MINDY2: variants seen among roughly 807,000 people sequenced by gnomAD.
MINDY2 encodes the protein ubiquitin carboxyl-terminal hydrolase MINDY-2.
A neutral mutation model predicts 68.2 loss-of-function variants in MINDY2; 52 were observed. That is an observed-to-expected ratio of 0.76 (90% CI 0.61 to 0.96). The LOEUF (loss-of-function observed/expected upper bound fraction) is 0.96, where lower values mean the gene tolerates loss of function less well. Ranked by LOEUF, MINDY2 falls within the 40% of genes least tolerant of loss-of-function variation. The pLI, the probability that MINDY2 is intolerant of heterozygous loss-of-function variation, is 0.00. For synonymous variants in MINDY2, 372 were observed against 303.0 expected (o/e 1.23, Z -2.36); for missense variants, 881 against 773.4 (o/e 1.14, Z -1.65).
intron 5 of MINDY2, among the ~76,000 whole-genome samples, chr15:58,829,327 C>G (rs191628124): frequency 6.6e-6 from 1 of 152,134 alleles, no homozygotes; most frequent in African/African-American, 2.4e-5. Context: ...AGATATAATT[C>G]AAGTGGCATT....
intron 6 of MINDY2, among the ~76,000 whole-genome samples, chr15:58,838,722 G>C (rs1451938358): frequency 1.3e-5 from 2 of 150,960 alleles, no homozygotes; most frequent in Admixed American, 6.6e-5. Context: ...AAGTAGTTGG[G>C]ATTACAGGCG....
At chr15:58,846,644 T>TA (rs1467800953) in intron 6 of MINDY2, among the ~76,000 whole-genome samples, 3 of 150,508 alleles carry the variant, frequency 2.0e-5, no homozygotes, top group Non-Finnish European at 4.4e-5. Context: ...TACATACACG[T>TA]ACTATGTATC....
At chr15:58,788,023 G>A in intron 2 of MINDY2, 60 bp downstream of exon 2, 1 of 1,163,916 alleles carries the variant, frequency 8.6e-7, no homozygotes, top group Non-Finnish European at 1.2e-6. Flanking sequence ...AAAGCTAGTT[G>A]ATTACCCAGT....
chr15:58,840,225 A>G (rs1318563213), intron 6 of MINDY2, among the ~76,000 whole-genome samples: 2 of 152,214 alleles, frequency 1.3e-5, no homozygotes, highest in Non-Finnish European at 2.9e-5. Flanking sequence ...TGTGAATAAT[A>G]TCTACCACAC....
chr15:58,848,886 G>A (rs2032674002), intron 7 of MINDY2, among the ~76,000 whole-genome samples: 1 of 152,064 alleles, frequency 6.6e-6, no homozygotes, highest in South Asian at 2.1e-4. Context: ...AGAGAAATAT[G>A]CGAGATTTTT....
intron 1 of MINDY2, among the ~76,000 whole-genome samples, chr15:58,778,433 A>T (rs1900911528): frequency 6.6e-6 from 1 of 151,628 alleles, no homozygotes; most frequent in Non-Finnish European, 1.5e-5. Flanking sequence ...GATTTTTTTT[A>T]TATAAAGTTG....
intron 3 of MINDY2, among the ~76,000 whole-genome samples, 184 bp from the exon 4 acceptor site, chr15:58,810,046 T>TGAGCCACCGCGCCCGGC: frequency 1.3e-5 from 2 of 152,322 alleles, no homozygotes; most frequent in Middle Eastern, 3.4e-3. Flanking sequence ...GTTTTATTCA[T>TGAGCCACCGCGCCCGGC]TGTTGTATCT....
intron 3 of MINDY2, 100 bp downstream of exon 3, chr15:58,802,477 A>T: frequency 1.4e-6 from 1 of 709,440 alleles, no homozygotes; most frequent in Non-Finnish European, 2.3e-6. Context: ...AGGATTAGAT[A>T]GTAAACACTT....
chr15:58,842,066 C>G (rs73428564), intron 6 of MINDY2, among the ~76,000 whole-genome samples: 1 of 151,922 alleles, frequency 6.6e-6, no homozygotes, highest in African/African-American at 2.4e-5. Context: ...GTCTAGATCA[C>G]ATAGCTTCTA....
At chr15:58,849,911 A>T (rs2032730308) in intron 7 of MINDY2, among the ~76,000 whole-genome samples, 1 of 152,050 alleles carries the variant, frequency 6.6e-6, no homozygotes, top group South Asian at 2.1e-4. Flanking sequence ...TAATTTTTGT[A>T]TTTTTAGTGG....
At position 58,831,919 on chromosome 15, in the gene MINDY2, A is replaced by G; in HGVS notation, c.1368+3A>G. 3 of 1,608,306 alleles carry G rather than the reference A, an allele frequency of 1.9e-6. No homozygotes were observed. The highest frequency in any genetic ancestry group is 1.1e-5 in the South Asian group (1 of 89,600). ...TTAGCACCATGACCAAATACAAGGT[A>G]TGATATAGAAATAGCTATTTAATCG... On this transcript the variant is annotated splice_donor_region_variant and intron_variant, in intron 6 of 8. Transcript: ENST00000559228.
intron 4 of MINDY2, among the ~76,000 whole-genome samples, chr15:58,820,129 G>C (rs2030964385): frequency 6.6e-6 from 1 of 152,102 alleles, no homozygotes; most frequent in Non-Finnish European, 1.5e-5. Context: ...AGTTGGGCAT[G>C]GTGGCGTGCA....
At chr15:58,811,283 C>T (rs572274664) in intron 4 of MINDY2, among the ~76,000 whole-genome samples, 130 of 152,356 alleles carry the variant, frequency 8.5e-4, no homozygotes, top group Non-Finnish European at 1.4e-3. Context: ...ATCCATCACT[C>T]TAACTGTACA....
chr15:58,848,930 C>T (rs796154538), intron 7 of MINDY2, among the ~76,000 whole-genome samples: 1 of 152,024 alleles, frequency 6.6e-6, no homozygotes, highest in Non-Finnish European at 1.5e-5. Flanking sequence ...AAATACTGGG[C>T]CAGGCAAGGT....
chr15:58,816,349 A>C (rs1158113847), intron 4 of MINDY2, among the ~76,000 whole-genome samples: 4 of 152,246 alleles, frequency 2.6e-5, no homozygotes, highest in Admixed American at 2.0e-4. Context: ...TAGATTGTGA[A>C]GAATGACAGT....
rs570371375 is a variant in MINDY2, at chr15:58,814,191, C to T, written c.1122+3803C>T. 3.9e-5 allele frequency among the ~76,000 whole-genome samples: 6 copies of T among 152,262 alleles called. No individual in the cohort carries two copies. The East Asian group carries it at 5.8e-4, about 15-fold the overall frequency. The stretch of plus-strand genomic sequence containing the variant: ...CTGACTTCAGGTGATCCACCCGCTT[C>T]GGCCTCCCAGAGTGCTGCGATTACA... On this transcript the variant is annotated intron_variant, in intron 4 of 8. Coordinates refer to ENST00000559228, the MANE Select transcript of MINDY2 (RefSeq NM_001040450.3).
intron 1 of MINDY2, among the ~76,000 whole-genome samples, chr15:58,774,240 C>T (rs527934836): frequency 1.3e-5 from 2 of 152,132 alleles, no homozygotes; most frequent in Admixed American, 6.5e-5. Context: ...CCCAGCATTT[C>T]GGGAGGCCGA....
intron 2 of MINDY2, among the ~76,000 whole-genome samples, chr15:58,790,007 G>T (rs1442881972): frequency 6.6e-6 from 1 of 151,738 alleles, no homozygotes; most frequent in Non-Finnish European, 1.5e-5. Flanking sequence ...TTGAACTCCT[G>T]GGCTCAAGCG....
chr15:58,849,395 C>T (rs759802427), intron 7 of MINDY2, among the ~76,000 whole-genome samples: 2 of 152,004 alleles, frequency 1.3e-5, no homozygotes, highest in Non-Finnish European at 2.9e-5. Flanking sequence ...GTCTCAGCTA[C>T]TCGGGAGACT....
Sources: gnomAD v4.1 joint callset for allele counts (sites outside exome capture counted in the v4.1 genomes callset) on GRCh38, gnomAD v4.1.1 for gene constraint, MANE v1.5 for transcripts, NCBI Gene and HGNC (gene_info 2026-07-23, HGNC 2026-07-21) for gene names.